OPCML: variants seen among roughly 807,000 people sequenced by gnomAD.
The protein encoded by OPCML is opioid binding protein/cell adhesion molecule like, also known as opioid-binding protein/cell adhesion molecule.
Under a neutral mutation model 37.8 loss-of-function variants are expected in OPCML, and 13 were observed. The ratio of observed to expected loss-of-function variants is 0.34; its 90% CI spans 0.22 to 0.55. OPCML has a LOEUF of 0.55. Ranked by LOEUF, OPCML falls within the 20% of genes least tolerant of loss-of-function variation. The pLI, the probability that OPCML is intolerant of heterozygous loss-of-function variation, is 0.91. For missense variants in OPCML, 341 were observed against 435.6 expected (o/e 0.78, Z 1.93); for synonymous variants, 176 against 168.8 (o/e 1.04, Z -0.33).
chr11:132,958,360 G>T (rs1050947178), intron 1 of OPCML, among the ~76,000 whole-genome samples: 2 of 152,214 alleles, frequency 1.3e-5, no homozygotes, highest in African/African-American at 4.8e-5. Flanking sequence ...TAGTTGATGA[G>T]GTTTAAGGAA....
chr11:133,402,631 A>G (rs10894680), intron 1 of OPCML, among the ~76,000 whole-genome samples: 68,895 of 151,432 alleles, frequency 0.45, 17,553 homozygotes, highest in African/African-American at 0.71. Context: ...TTATAAAAGT[A>G]CCCAATCTCC....
intron 1 of OPCML, among the ~76,000 whole-genome samples, chr11:133,060,105 C>CA (rs1043520306): frequency 1.3e-5 from 2 of 151,988 alleles, no homozygotes; most frequent in Non-Finnish European, 2.9e-5. Flanking sequence ...TACTAAACTT[C>CA]AAAAAATGGA....
intron 1 of OPCML, among the ~76,000 whole-genome samples, chr11:133,440,321 C>T (rs1946334352): frequency 6.6e-6 from 1 of 150,920 alleles, no homozygotes; most frequent in South Asian, 2.1e-4. Flanking sequence ...ATTGCTTGAA[C>T]CCAGGAGGCA....
intron 1 of OPCML, among the ~76,000 whole-genome samples, chr11:133,078,159 C>T (rs6590677): frequency 0.59 from 89,990 of 151,974 alleles, 28,427 homozygotes; most frequent in African/African-American, 0.83. Flanking sequence ...GACAGACATA[C>T]TTGAGGTGCA....
chr11:133,270,986 T>A (rs1409967908), intron 1 of OPCML, among the ~76,000 whole-genome samples: 1 of 152,176 alleles, frequency 6.6e-6, no homozygotes, highest in Non-Finnish European at 1.5e-5. Flanking sequence ...GATTCTGAAT[T>A]GCTCCTTGAA....
intron 1 of OPCML, among the ~76,000 whole-genome samples, chr11:133,378,675 C>T (rs76809728): frequency 6.6e-6 from 1 of 150,770 alleles, no homozygotes; most frequent in Admixed American, 6.6e-5. Context: ...TCTTTCTTTT[C>T]TTTTCTTTCT....
At chr11:133,294,179 T>C (rs910208233) in intron 1 of OPCML, among the ~76,000 whole-genome samples, 6 of 151,944 alleles carry the variant, frequency 3.9e-5, no homozygotes, top group Non-Finnish European at 5.9e-5. Flanking sequence ...AGAAGGATTT[T>C]CATCACTGAC....
chr11:133,059,049 A>T (rs1488337020), intron 1 of OPCML, among the ~76,000 whole-genome samples: 1 of 152,190 alleles, frequency 6.6e-6, no homozygotes, highest in African/African-American at 2.4e-5. Flanking sequence ...CATTGAAACA[A>T]ATCAAATTTT....
chr11:132,617,811 A>C (rs1939132635), intron 3 of OPCML, among the ~76,000 whole-genome samples: 1 of 152,200 alleles, frequency 6.6e-6, no homozygotes, highest in South Asian at 2.1e-4. Flanking sequence ...TCTTCTCATA[A>C]GGACACCAGT....
intron 1 of OPCML, among the ~76,000 whole-genome samples, chr11:133,236,315 G>A (rs565455812): frequency 1.3e-5 from 2 of 152,244 alleles, no homozygotes; most frequent in East Asian, 1.9e-4. Flanking sequence ...GGCACAGGAC[G>A]GCACGAGGTC....
At chr11:133,084,647 G>A (rs112846683) in intron 1 of OPCML, among the ~76,000 whole-genome samples, 1,542 of 152,256 alleles carry the variant, frequency 0.01, 28 homozygotes, top group African/African-American at 0.035. Flanking sequence ...GGACAGATAG[G>A]GCCTGGCCTG....
chr11:132,483,280 A>T (rs897812517), intron 4 of OPCML, among the ~76,000 whole-genome samples: 46 of 150,812 alleles, frequency 3.1e-4, no homozygotes, highest in African/African-American at 1.1e-3. Flanking sequence ...CCAACAACAG[A>T]CAAACAGCCA....
At chr11:132,440,193 TGGAA>T (rs1232862879) in intron 4 of OPCML, among the ~76,000 whole-genome samples, 4 of 152,138 alleles carry the variant, frequency 2.6e-5, no homozygotes, top group East Asian at 1.9e-4. Context: ...ACAGCAGAAA[TGGAA>T]GGAAGGAAGG....
At chr11:132,441,954 G>T (rs1263314457) in intron 4 of OPCML, among the ~76,000 whole-genome samples, 2 of 152,128 alleles carry the variant, frequency 1.3e-5, no homozygotes, top group Admixed American at 6.5e-5. Context: ...CACAAGCAGG[G>T]TCTGTTCTGC....
At chr11:132,916,761 A>C (rs888926360) in intron 2 of OPCML, among the ~76,000 whole-genome samples, 48 of 152,280 alleles carry the variant, frequency 3.2e-4, no homozygotes, top group African/African-American at 1.2e-3. Flanking sequence ...TCGAGTGAGC[A>C]AAGTAGAAAG....
chr11:132,716,268 A>G (rs1180873081), intron 2 of OPCML, among the ~76,000 whole-genome samples: 2 of 152,176 alleles, frequency 1.3e-5, no homozygotes, highest in African/African-American at 2.4e-5. Flanking sequence ...GAGGCTCAGA[A>G]GCGCTATCCA....
chr11:133,271,398 T>C (rs1941827264), intron 1 of OPCML, among the ~76,000 whole-genome samples: 1 of 152,190 alleles, frequency 6.6e-6, no homozygotes, highest in Non-Finnish European at 1.5e-5. Flanking sequence ...GTTGTCTGAA[T>C]CTAAACTGAA....
rs12793683 is a variant in OPCML at position 132,574,603 on chromosome 11, T to C, written c.380-45417A>G. 1.2e-3 allele frequency among the ~76,000 whole-genome samples: 175 copies of C among 152,098 alleles called. 1 individual carries two copies. Among genetic ancestry groups the C allele is most frequent in the Non-Finnish European group, 2.0e-3 (133 of 67,858 alleles). ...CTCCTAATATTAGTTTCCAGTTTCA[T>C]CTGTTTGTGGTCTGAAAATATATTT... is the stretch of plus-strand genomic sequence containing the variant. On this transcript the variant is annotated intron_variant, in intron 3 of 7. Coordinates refer to ENST00000524381, the MANE Select transcript of OPCML (RefSeq NM_001012393.5).
intron 1 of OPCML, among the ~76,000 whole-genome samples, chr11:133,518,421 G>A (rs55951010): frequency 0.1 from 15,717 of 151,970 alleles, 1,606 homozygotes; most frequent in African/African-American, 0.27. Context: ...GTGCATGGAT[G>A]GGTTTGTGTG....
Sources: gnomAD v4.1 joint callset for allele counts (sites outside exome capture counted in the v4.1 genomes callset) on GRCh38, gnomAD v4.1.1 for gene constraint, MANE v1.5 for transcripts, NCBI Gene and HGNC (gene_info 2026-07-23, HGNC 2026-07-21) for gene names.